The following USP32 variants were observed in gnomAD, a reference collection of about 807,000 sequenced individuals.
The protein encoded by USP32 is ubiquitin specific peptidase 32.
In USP32, 59 loss-of-function variants were observed where a neutral mutation model predicts 204.8. The observed-to-expected ratio is 0.29, with a 90% confidence interval of 0.23 to 0.36. The LOEUF (loss-of-function observed/expected upper bound fraction) is 0.36, where lower values mean the gene tolerates loss of function less well. Among genes scored for constraint, USP32 ranks in the 10% least tolerant of loss-of-function variants. USP32 has a pLI of 1.00. For missense variants in USP32, 1,160 were observed against 1,946.4 expected, an observed-to-expected ratio of 0.60 and a Z score of 7.60; for synonymous variants, 517 against 678.4, an observed-to-expected ratio of 0.76 and a Z score of 3.70.
At chr17:60,234,344 A>G (rs1598112527) in intron 12 of USP32, among the ~76,000 whole-genome samples, 1 of 150,208 alleles carries the variant, frequency 6.7e-6, no homozygotes, top group Non-Finnish European at 1.5e-5. Context: ...CGATCTCCCG[A>G]CCTCGTGATC....
chr17:60,390,094 GTT>G (rs1056203542), intron 1 of USP32, among the ~76,000 whole-genome samples: 3 of 152,142 alleles, frequency 2.0e-5, no homozygotes, highest in African/African-American at 7.2e-5. Context: ...AAATACATGT[GTT>G]TTAAAATTCA....
chr17:60,223,379 A>G, intron 14 of USP32, 32 bp downstream of exon 14: 1 of 1,569,902 alleles, frequency 6.4e-7, no homozygotes, highest in African/African-American at 1.4e-5. Flanking sequence ...TTGCAAGAGA[A>G]TAATTTTAAG....
chr17:60,304,818 T>A (rs755079038), intron 2 of USP32: 2 of 152,226 alleles, frequency 1.3e-5, no homozygotes, highest in Non-Finnish European at 2.9e-5. Context: ...AACATTGACC[T>A]CATTAATAAA....
At chr17:60,404,591 C>T (rs1280152197) in intron 1 of USP32, among the ~76,000 whole-genome samples, 1 of 152,094 alleles carries the variant, frequency 6.6e-6, no homozygotes, top group Non-Finnish European at 1.5e-5. Context: ...TTTCAATTAT[C>T]TTTGTATGAC....
upstream of USP32, among the ~76,000 whole-genome samples, chr17:60,394,377 T>C (rs1343172439): frequency 6.6e-6 from 1 of 152,228 alleles, no homozygotes; most frequent in African/African-American, 2.4e-5. Context: ...CAGATGGCCT[T>C]GCTATACAAG....
At chr17:60,340,147 G>A (rs2088624189) in intron 2 of USP32, among the ~76,000 whole-genome samples, 1 of 152,006 alleles carries the variant, frequency 6.6e-6, no homozygotes, top group Non-Finnish European at 1.5e-5. Flanking sequence ...CATATGCACT[G>A]ACCCTTCCCT....
intron 11 of USP32, chr17:60,245,325 G>T: frequency 5.6e-6 from 2 of 355,012 alleles, no homozygotes; most frequent in South Asian, 4.8e-5. Context: ...TGGGATTGGT[G>T]ACTCTGATGG....
chr17:60,181,309 T>C lies in USP32; in HGVS notation c.4548+15A>G. On this transcript the variant is annotated intron_variant, in intron 32 of 33. Transcript: ENST00000300896. ...CACAGACCACTCTCTGAAAACCATA[T>C]AATAAACCACTTACCGAAATTGCAT... 1.9e-6 allele frequency: 3 copies of C among 1,600,568 alleles called. No individual in the cohort carries two copies. The highest frequency in any genetic ancestry group is 2.2e-5 in the East Asian group (1 of 44,726).
chr17:60,224,808 AG>A (rs2085341650), intron 13 of USP32, among the ~76,000 whole-genome samples: 1 of 152,090 alleles, frequency 6.6e-6, no homozygotes, highest in East Asian at 1.9e-4. Context: ...AAATAACAAT[AG>A]GGTAAGATTG....
chr17:60,313,790 T>C (rs2087909491), intron 2 of USP32, among the ~76,000 whole-genome samples: 1 of 152,140 alleles, frequency 6.6e-6, no homozygotes, highest in Non-Finnish European at 1.5e-5. Context: ...GATTAGCTAA[T>C]CTGTGATTAA....
Position 60,222,541 on chromosome 17 carries a change from T to G in USP32, c.1617A>C (p.Ser539=). 2 of 1,613,662 alleles carry G rather than the reference T, an allele frequency of 1.2e-6. No individual in the cohort carries two copies. The highest frequency in any genetic ancestry group is 8.5e-7 in the Non-Finnish European group (1 of 1,179,806). ...LVTQEPVKAT[S]LTLEGGRLKR... is the part of the protein sequence containing the mutation. ...TTAATCGTCCTCCTTCTAGTGTTAA[T>G]GATGTAGCCTGAGAAAGAATAGAAT... The change falls in exon 15 of 34, where the codon TCA becomes TCC. Residue 539 remains serine (S), a synonymous_variant. Coordinates refer to ENST00000300896, the MANE Select transcript of USP32 (RefSeq NM_032582.4).
At chr17:60,307,353 G>A (rs767652365) in intron 2 of USP32, among the ~76,000 whole-genome samples, 3 of 151,986 alleles carry the variant, frequency 2.0e-5, no homozygotes, top group African/African-American at 7.3e-5. Flanking sequence ...TGCCTGCCTT[G>A]GTCTCCCAAA....
At chr17:60,210,918 T>C in intron 21 of USP32, 95 bp downstream of exon 21, 1 of 1,458,514 alleles carries the variant, frequency 6.9e-7, no homozygotes, top group Non-Finnish European at 9.1e-7. Context: ...AAAACATTTA[T>C]TAAGTTAAAA....
At chr17:60,238,306 T>C (rs1341833092) in intron 11 of USP32, among the ~76,000 whole-genome samples, 3 of 152,182 alleles carry the variant, frequency 2.0e-5, no homozygotes, top group East Asian at 1.9e-4. Context: ...GAGACCCTTA[T>C]TGGATTATAT....
chr17:60,226,504 T>A (rs1166772434), intron 12 of USP32, among the ~76,000 whole-genome samples: 1 of 152,214 alleles, frequency 6.6e-6, no homozygotes, highest in Non-Finnish European at 1.5e-5. Context: ...AGCCATTTTT[T>A]TAACATTAAA....
chr17:60,364,171 G>A (rs143394829), intron 1 of USP32, among the ~76,000 whole-genome samples: 3 of 152,206 alleles, frequency 2.0e-5, no homozygotes, highest in Admixed American at 6.5e-5. Context: ...ACATGGTGGG[G>A]CAAAGCAAGT....
At position 60,183,439 on chromosome 17, in the gene USP32, C is replaced by T; in HGVS notation, c.3849G>A (p.Lys1283=). The part of the protein sequence containing the change: ...RLPPILIIHL[K]RFQFVNGRWI... ...ACCGACCATTTACAAATTGAAATCG[C>T]TTAAGGTGAATAATCTGGAGAAGTA... The change falls in exon 31 of 34, where the codon AAG becomes AAA. Residue 1283 remains lysine (K), a synonymous_variant. Transcript: ENST00000300896. 3 of 1,604,468 alleles carry T rather than the reference C, an allele frequency of 1.9e-6. No homozygotes were observed. Among genetic ancestry groups the T allele is most frequent in the Non-Finnish European group, 2.6e-6 (3 of 1,174,144 alleles).
chr17:60,417,522 C>T (rs113675314), intron 1 of USP32, among the ~76,000 whole-genome samples: 3,164 of 149,510 alleles, frequency 0.021, 134 homozygotes, highest in African/African-American at 0.074. Flanking sequence ...GCCATGATCT[C>T]GGCTCACTAC....
intron 3 of USP32, 68 bp downstream of exon 3, chr17:60,301,531 C>A: frequency 1.0e-6 from 1 of 964,666 alleles, no homozygotes; most frequent in South Asian, 1.9e-5. Flanking sequence ...CTCTACCTGT[C>A]ATCAGAATTT....
Sources: gnomAD v4.1 joint callset for allele counts (sites outside exome capture counted in the v4.1 genomes callset) on GRCh38, gnomAD v4.1.1 for gene constraint, MANE v1.5 for transcripts, NCBI Gene and HGNC (gene_info 2026-07-23, HGNC 2026-07-21) for gene names.